Variants in HMBOX1 observed in about 807,000 individuals in gnomAD.
The protein encoded by HMBOX1 is homeobox containing 1.
Under a neutral mutation model 54.5 loss-of-function variants are expected in HMBOX1, and 14 were observed. That is an observed-to-expected ratio of 0.26 (90% CI 0.17 to 0.40). The LOEUF is 0.40. Ranked by LOEUF, HMBOX1 falls within the 10% of genes least tolerant of loss-of-function variation. The pLI, the probability that HMBOX1 is intolerant of heterozygous loss-of-function variation, is 1.00. For missense variants in HMBOX1, 332 were observed against 514.4 expected (o/e 0.65, Z 3.43); for synonymous variants, 160 against 181.0 (o/e 0.88, Z 0.93).
chr8:28,992,745 C>G (rs1175703083), intron 4 of HMBOX1, among the ~76,000 whole-genome samples: 1 of 151,674 alleles, frequency 6.6e-6, no homozygotes, highest in Non-Finnish European at 1.5e-5. Flanking sequence ...TGGTATGTGC[C>G]TGTAATCCCA....
chr8:29,050,376 A>G (rs530835431), intron 9 of HMBOX1: 173 of 250,344 alleles, frequency 6.9e-4, no homozygotes, highest in Non-Finnish European at 9.2e-4. Flanking sequence ...ACAGCTTCAC[A>G]CTAGTTCTAG....
In HMBOX1 at chr8:29,018,933, A is replaced by G. The variant is rs781697563; in HGVS notation, c.851+20A>G. ...GGAAAGGTATGTGTCTCCTTTTTCTACGAATGATCTCCCAAACTTAGGGAA... is the reference window on the plus strand; with the variant it reads ...GGAAAGGTATGTGTCTCCTTTTTCTGCGAATGATCTCCCAAACTTAGGGAA... On this transcript the variant is annotated intron_variant, in intron 6 of 9. Coordinates refer to ENST00000287701, the MANE Select transcript of HMBOX1 (RefSeq NM_001135726.3). 6.2e-7 allele frequency: 1 copy of G among 1,612,502 alleles called. No homozygotes were observed. The highest frequency in any genetic ancestry group is 1.1e-5 in the South Asian group (1 of 91,026).
intron 6 of HMBOX1, among the ~76,000 whole-genome samples, chr8:29,029,981 C>T (rs956394487): frequency 6.6e-6 from 1 of 151,466 alleles, no homozygotes; most frequent in Non-Finnish European, 1.5e-5. Context: ...CTTTCTGTAT[C>T]TTCCTCTTCC....
chr8:28,959,317 A>G (rs756128003), intron 1 of HMBOX1, among the ~76,000 whole-genome samples: 4 of 152,180 alleles, frequency 2.6e-5, no homozygotes, highest in Non-Finnish European at 5.9e-5. Flanking sequence ...AGTCAGTGTG[A>G]TAAGCTAGAC....
intron 6 of HMBOX1, among the ~76,000 whole-genome samples, chr8:29,034,440 G>A (rs1803509547): frequency 6.6e-6 from 1 of 152,228 alleles, no homozygotes; most frequent in Non-Finnish European, 1.5e-5. Context: ...GCTCTGCAGT[G>A]TGACTGTGAA....
intron 4 of HMBOX1, among the ~76,000 whole-genome samples, chr8:28,996,295 C>T (rs866106002): frequency 2.1e-5 from 3 of 142,050 alleles, no homozygotes; most frequent in South Asian, 2.4e-4. Context: ...TATAAGTTCA[C>T]GTAGACACAC....
rs374383298 is a variant in HMBOX1 at position 29,051,487 on chromosome 8, G to A, written c.*332G>A. 1.1e-5 allele frequency: 8 copies of A among 700,798 alleles called. No homozygotes were observed. The highest frequency in any genetic ancestry group is 2.7e-5 in the East Asian group (1 of 37,196). 43.4% of individuals were successfully genotyped at this position (700,798 alleles called of 1,614,324 possible). ...CCTCAGTTCTCAAATATTAGACTAC[G>A]TGTAAAATCTTGGGTACCTTTAGAT... On this transcript the variant is annotated 3_prime_UTR_variant, in exon 10 of 10. Transcript: ENST00000287701.
At chr8:28,933,448 T>G (rs1392759097) in intron 1 of HMBOX1, among the ~76,000 whole-genome samples, 1 of 152,080 alleles carries the variant, frequency 6.6e-6, no homozygotes, top group African/African-American at 2.4e-5. Flanking sequence ...CAGAGGGAGT[T>G]AAATACAAGA....
At chr8:29,048,001 G>C (rs1338473798) in intron 8 of HMBOX1, among the ~76,000 whole-genome samples, 2 of 152,076 alleles carry the variant, frequency 1.3e-5, no homozygotes, top group Non-Finnish European at 2.9e-5. Context: ...TCTTCTTAAA[G>C]TTCTAGAATA....
At chr8:28,894,171 G>C (rs564390479) in intron 1 of HMBOX1, among the ~76,000 whole-genome samples, 1 of 152,256 alleles carries the variant, frequency 6.6e-6, no homozygotes, top group Admixed American at 6.5e-5. Context: ...TTAACAGTTG[G>C]CTTTTACTTC....
At chr8:28,963,954 T>C in intron 2 of HMBOX1, 64 bp downstream of exon 2, 1 of 1,248,384 alleles carries the variant, frequency 8.0e-7, no homozygotes, top group Non-Finnish European at 1.2e-6. Context: ...AAGATGTCAC[T>C]ATGATTATGA....
In HMBOX1 at chr8:29,049,030, G is replaced by C. The variant is rs1015580423; in HGVS notation, c.1107G>C (p.Gly369=). The change falls in exon 9 of 10, where the codon GGG becomes GGC. Residue 369 remains glycine (G), a synonymous_variant. Transcript: ENST00000287701. The stretch of plus-strand genomic sequence containing the variant: ...ACTCAAACAGTGATGATGTCGACGG[G>C]AATGACTACTCTGAGCAGGTGAGCC... ...GGHSNSDDVD[G]NDYSEQDDST... 2 of 1,613,842 alleles carry C rather than the reference G, an allele frequency of 1.2e-6. No homozygotes were observed. The highest frequency in any genetic ancestry group is 1.7e-6 in the Non-Finnish European group (2 of 1,179,910).
At chr8:28,945,014 A>C (rs959169085) in intron 1 of HMBOX1, among the ~76,000 whole-genome samples, 10 of 152,154 alleles carry the variant, frequency 6.6e-5, no homozygotes, top group Admixed American at 2.6e-4. Flanking sequence ...TTGATTCTGC[A>C]AACTCCCCCA....
At chr8:29,011,073 G>A (rs1834160762) in intron 5 of HMBOX1, among the ~76,000 whole-genome samples, 1 of 152,166 alleles carries the variant, frequency 6.6e-6, no homozygotes, top group Non-Finnish European at 1.5e-5. Context: ...CGTACTAATG[G>A]CAGCAATTTA....
intron 1 of HMBOX1, among the ~76,000 whole-genome samples, chr8:28,898,254 G>A (rs1812550303): frequency 6.6e-6 from 1 of 151,870 alleles, no homozygotes; most frequent in Non-Finnish European, 1.5e-5. Context: ...AAAAGACAAA[G>A]TTTAATTTGT....
At chr8:28,962,907 T>G (rs1053129298) in intron 1 of HMBOX1, among the ~76,000 whole-genome samples, 8 of 152,138 alleles carry the variant, frequency 5.3e-5, no homozygotes, top group Non-Finnish European at 1.2e-4. Flanking sequence ...ACTCCTAAGC[T>G]CCTCTACTGT....
At chr8:28,974,658 C>G (rs960320882) in intron 3 of HMBOX1, among the ~76,000 whole-genome samples, 9 of 152,188 alleles carry the variant, frequency 5.9e-5, no homozygotes, top group African/African-American at 1.7e-4. Context: ...TCTCCAGTTA[C>G]TATGTTATTG....
At chr8:28,959,869 T>C (rs1825155811) in intron 1 of HMBOX1, among the ~76,000 whole-genome samples, 1 of 152,068 alleles carries the variant, frequency 6.6e-6, no homozygotes, top group South Asian at 2.1e-4. Flanking sequence ...AATTTTGATA[T>C]ATTCTGTTTT....
intron 6 of HMBOX1, among the ~76,000 whole-genome samples, chr8:29,023,983 T>C (rs1563602687): frequency 2.0e-5 from 3 of 152,142 alleles, no homozygotes; most frequent in African/African-American, 7.2e-5. Flanking sequence ...CACTGTTTTG[T>C]TATCTATCGA....
Sources: gnomAD v4.1 joint callset for allele counts (sites outside exome capture counted in the v4.1 genomes callset) on GRCh38, gnomAD v4.1.1 for gene constraint, MANE v1.5 for transcripts, NCBI Gene and HGNC (gene_info 2026-07-23, HGNC 2026-07-21) for gene names.